The following ZNF407 variants were observed in gnomAD, a reference collection of about 807,000 sequenced individuals.
ZNF407 encodes the protein zinc finger protein 407.
ZNF407 carries 17 observed loss-of-function variants against 131.2 expected under a neutral mutation model. The ratio of observed to expected loss-of-function variants is 0.13; its 90% CI spans 0.09 to 0.19. ZNF407 has a LOEUF of 0.19. Among genes scored for constraint, ZNF407 ranks in the 10% least tolerant of loss-of-function variants. The pLI is 1.00. For synonymous variants in ZNF407, 1,156 were observed against 1,062.0 expected (o/e 1.09, Z -1.72); for missense variants, 2,681 against 2,830.6 (o/e 0.95, Z 1.20).
At position 74,928,222 on chromosome 18, in the gene ZNF407, G is replaced by T. The variant is rs1460337835; in HGVS notation, c.5428+7530G>T. On this transcript the variant is annotated intron_variant, in intron 8 of 8. Coordinates refer to ENST00000299687, the MANE Select transcript of ZNF407 (RefSeq NM_017757.3). Reference sequence around the variant, plus strand: ...AAAAAGGTGGGACATCTCAAGCAGGGAGTTAGAGAGCTCACATGTCATAGG... The same window carrying T: ...AAAAAGGTGGGACATCTCAAGCAGGTAGTTAGAGAGCTCACATGTCATAGG... 7.2e-5 allele frequency among the ~76,000 whole-genome samples: 11 copies of T among 152,294 alleles called. No individual in the cohort carries two copies. In the South Asian group the frequency reaches 8.3e-4, roughly 11 times the overall value.
At chr18:75,002,022 G>A (rs990008184) in intron 8 of ZNF407, among the ~76,000 whole-genome samples, 15 of 152,190 alleles carry the variant, frequency 9.9e-5, no homozygotes, top group Non-Finnish European at 2.1e-4. Context: ...CCAGGAGCCA[G>A]GGTCCAGAGA....
chr18:74,870,309 C>T (rs1221500685), intron 4 of ZNF407, among the ~76,000 whole-genome samples: 1 of 152,148 alleles, frequency 6.6e-6, no homozygotes, highest in African/African-American at 2.4e-5. Flanking sequence ...AACTAGTTAA[C>T]AAGGATCTAG....
At chr18:74,758,316 G>A (rs1177940563) in intron 3 of ZNF407, among the ~76,000 whole-genome samples, 2 of 151,862 alleles carry the variant, frequency 1.3e-5, no homozygotes, top group African/African-American at 4.8e-5. Context: ...GTATGTATAT[G>A]TATGCATGTG....
At chr18:75,058,341 G>C (rs1269554463) in intron 8 of ZNF407, among the ~76,000 whole-genome samples, 1 of 152,140 alleles carries the variant, frequency 6.6e-6, no homozygotes. Context: ...AATGCATTCG[G>C]CTCTGAGAAG....
chr18:74,657,430 A>G (rs991322193), intron 3 of ZNF407, among the ~76,000 whole-genome samples: 6 of 152,136 alleles, frequency 3.9e-5, no homozygotes, highest in Admixed American at 3.3e-4. Context: ...CAGAAAATGC[A>G]TTATTGTGTA....
intron 3 of ZNF407, among the ~76,000 whole-genome samples, chr18:74,644,124 A>G (rs911695919): frequency 1.1e-4 from 17 of 149,640 alleles, no homozygotes; most frequent in Non-Finnish European, 1.5e-5. Context: ...AGTACATGTT[A>G]TGGATAACTT....
intron 3 of ZNF407, among the ~76,000 whole-genome samples, chr18:74,745,337 G>C (rs555921581): frequency 1.0e-3 from 149 of 148,408 alleles, no homozygotes; most frequent in Non-Finnish European, 1.9e-3. Flanking sequence ...TGTCTAACTT[G>C]GACAAAAAGG....
chr18:74,902,405 A>G (rs1971538541), intron 7 of ZNF407, among the ~76,000 whole-genome samples: 1 of 152,196 alleles, frequency 6.6e-6, no homozygotes, highest in Admixed American at 6.5e-5. Flanking sequence ...GGCTCGCAGG[A>G]GTCGAAGAGA....
chr18:74,773,721 T>C (rs1159806007), intron 3 of ZNF407, among the ~76,000 whole-genome samples: 1 of 152,240 alleles, frequency 6.6e-6, no homozygotes, highest in Non-Finnish European at 1.5e-5. Context: ...TACTGATTGT[T>C]GCAGTGAGCA....
intron 3 of ZNF407, among the ~76,000 whole-genome samples, chr18:74,668,141 G>A (rs72967646): frequency 0.056 from 8,512 of 152,076 alleles, 313 homozygotes; most frequent in East Asian, 0.12. Flanking sequence ...GACACCACCC[G>A]GGGAACATTT....
chr18:74,715,998 A>C (rs1284852145), intron 3 of ZNF407, among the ~76,000 whole-genome samples: 1 of 152,244 alleles, frequency 6.6e-6, no homozygotes, highest in Non-Finnish European at 1.5e-5. Context: ...GTAAGAAGCC[A>C]GTGAACCAGC....
At chr18:74,999,365 A>C (rs1438736374) in intron 8 of ZNF407, among the ~76,000 whole-genome samples, 11 of 149,942 alleles carry the variant, frequency 7.3e-5, no homozygotes, top group East Asian at 5.8e-4. Context: ...AAAAAAAAAA[A>C]AAAAAAAAAA....
chr18:75,048,090 C>T lies in ZNF407; in HGVS notation c.5429-15060C>T, dbSNP rs957668865. On this transcript the variant is annotated intron_variant, in intron 8 of 8. Coordinates refer to ENST00000299687, the MANE Select transcript of ZNF407 (RefSeq NM_017757.3). The surrounding 1 kb of genome is among the most constrained non-coding windows in gnomAD (Gnocchi z 4.1). ...GTTGGTATTCATAACTCGTTAACCA[C>T]GTGCTCAAGAGGAAAATGACCAGAA... is the stretch of plus-strand genomic sequence containing the variant. Among the ~76,000 whole-genome samples, 4 of 152,180 alleles carry T rather than the reference C, an allele frequency of 2.6e-5. No homozygotes were observed. The highest frequency in any genetic ancestry group is 4.4e-5 in the Non-Finnish European group (3 of 68,030).
chr18:74,607,386 T>C (rs1364476130), intron 1 of ZNF407, among the ~76,000 whole-genome samples: 1 of 152,234 alleles, frequency 6.6e-6, no homozygotes, highest in African/African-American at 2.4e-5. Flanking sequence ...CCTTCCCAGG[T>C]TTATACCAGA....
intron 8 of ZNF407, among the ~76,000 whole-genome samples, chr18:74,999,478 C>G (rs1162150341): frequency 1.3e-5 from 2 of 150,712 alleles, no homozygotes; most frequent in African/African-American, 4.9e-5. Context: ...GACATCTTTT[C>G]ATTGCTACCA....
intron 3 of ZNF407, among the ~76,000 whole-genome samples, chr18:74,661,972 A>G (rs886215394): frequency 6.6e-6 from 1 of 151,160 alleles, no homozygotes; most frequent in African/African-American, 2.4e-5. Flanking sequence ...GTTGTGGGAC[A>G]TTCGCGTGCA....
At chr18:74,937,638 T>C (rs1050024316) in intron 8 of ZNF407, among the ~76,000 whole-genome samples, 55 of 152,190 alleles carry the variant, frequency 3.6e-4, no homozygotes, top group African/African-American at 1.2e-3. Flanking sequence ...AGTTAAAACC[T>C]TAAAAGTGGT....
In ZNF407 at chr18:74,635,317, T is replaced by C. The variant is rs1984406906; in HGVS notation, c.4298T>C (p.Ile1433Thr). The change falls in exon 2 of 9, where the codon ATA becomes ACA. Residue 1433 changes from isoleucine to threonine, a missense_variant. Physicochemically the swap from Ile to Thr is moderately conservative, Grantham distance 89. Around this residue, in one of 6 missense-constraint regions of ZNF407, gnomAD observed 1,789 missense variants for 1,748.7 expected, o/e 1.02. Transcript: ENST00000299687. The surrounding 1 kb of genome is among the most constrained non-coding windows in gnomAD (Gnocchi z 4.7). ...ADGLSGLNVH[I>T]AMKHPTKEKH... is the part of the protein sequence containing the mutation. ...GGACTGAGTGGACTGAATGTTCACA[T>C]AGCCATGAAGCATCCTACAAAAGAG... 6.2e-7 allele frequency: 1 copy of C among 1,614,048 alleles called. No individual in the cohort carries two copies.
intron 3 of ZNF407, among the ~76,000 whole-genome samples, chr18:74,665,276 T>C (rs1051174567): frequency 6.6e-6 from 1 of 152,170 alleles, no homozygotes; most frequent in African/African-American, 2.4e-5. Context: ...TGCTTCTTAG[T>C]GTTATTAGAG....
Sources: gnomAD v4.1 joint callset for allele counts (sites outside exome capture counted in the v4.1 genomes callset) on GRCh38, gnomAD v4.1.1 for gene constraint, gnomAD v4.1.1 regional missense constraint, Gnocchi (gnomAD v3.1) non-coding constraint, MANE v1.5 for transcripts, NCBI Gene and HGNC (gene_info 2026-07-23, HGNC 2026-07-21) for gene names.